The following CHD6 variants were observed in gnomAD, a reference collection of about 807,000 sequenced individuals.
The protein encoded by CHD6 is chromodomain helicase DNA binding protein 6.
Under a neutral mutation model 276.9 loss-of-function variants are expected in CHD6, and 50 were observed. The ratio of observed to expected loss-of-function variants is 0.18; its 90% CI spans 0.14 to 0.23. The LOEUF (loss-of-function observed/expected upper bound fraction) is 0.23. Ranked by LOEUF, CHD6 falls within the 10% of genes least tolerant of loss-of-function variation. The pLI, the probability that CHD6 is intolerant of heterozygous loss-of-function variation, is 1.00. For missense variants in CHD6, 2,564 were observed against 3,365.8 expected, an observed-to-expected ratio of 0.76 and a Z score of 5.89; for synonymous variants, 1,173 against 1,229.3, an observed-to-expected ratio of 0.95 and a Z score of 0.96.
chr20:41,578,584 G>A (rs1415858740), intron 1 of CHD6, among the ~76,000 whole-genome samples: 1 of 151,656 alleles, frequency 6.6e-6, no homozygotes, highest in Non-Finnish European at 1.5e-5. Context: ...GGAGGCTGAG[G>A]TGGGAAAATC....
Position 41,416,378 on chromosome 20 carries a change from C to T in CHD6, c.6486+210G>A, listed in dbSNP as rs572416713. On this transcript the variant is annotated intron_variant, in intron 33 of 36. Coordinates refer to ENST00000373233, the MANE Select transcript of CHD6 (RefSeq NM_032221.5). ...ACTCCAAGTGAGCTGCAAACCTCTG[C>T]TTTCATCATGCCTTCTCCTGCTCCA... 3.4e-4 allele frequency among the ~76,000 whole-genome samples: 52 copies of T among 152,328 alleles called. 1 individual carries two copies. Among genetic ancestry groups the T allele is most frequent in the African/African-American group, 1.2e-3 (51 of 41,578 alleles).
At chr20:41,539,863 G>A (rs920307220) in intron 2 of CHD6, among the ~76,000 whole-genome samples, 4 of 152,068 alleles carry the variant, frequency 2.6e-5, no homozygotes, top group East Asian at 1.9e-4. Context: ...ATAATACTAC[G>A]CAACCATTAT....
chr20:41,618,114 C>T lies in CHD6; in HGVS notation c.-24+226G>A, dbSNP rs556455423. Among the ~76,000 whole-genome samples the T allele has an allele frequency of 5.6e-3, 843 of 149,634 alleles. 8 individuals carry two copies. The highest frequency in any genetic ancestry group is 0.024 in the Middle Eastern group (7 of 292). On this transcript the variant is annotated intron_variant, in intron 1 of 36. Coordinates refer to ENST00000373233, the MANE Select transcript of CHD6 (RefSeq NM_032221.5). ...GTAGCCTGGCGTGGCAGAGGCCGCC[C>T]CTCTCCCCAGGCCGCAGGCCGCCGC... is the stretch of plus-strand genomic sequence containing the variant.
At chr20:41,494,025 T>A in intron 8 of CHD6, 81 bp from the exon 9 acceptor site, 1 of 960,492 alleles carries the variant, frequency 1.0e-6, no homozygotes, top group East Asian at 2.4e-5. Flanking sequence ...CTCTAAGTGA[T>A]CCCTACTCTA....
intron 2 of CHD6, among the ~76,000 whole-genome samples, chr20:41,534,977 T>G (rs2044794408): frequency 6.6e-6 from 1 of 152,206 alleles, no homozygotes; most frequent in Admixed American, 6.5e-5. Flanking sequence ...TCTTGAATTC[T>G]GTGCCAAGGA....
At chr20:41,574,121 A>C (rs2045447372) in intron 1 of CHD6, among the ~76,000 whole-genome samples, 1 of 147,602 alleles carries the variant, frequency 6.8e-6, no homozygotes, top group South Asian at 2.3e-4. Context: ...TGAAAAGGGA[A>C]AGAGGAAGAG....
chr20:41,405,098 G>T lies in CHD6; in HGVS notation c.7643C>A (p.Ser2548Tyr), dbSNP rs2046632913. The T allele has an allele frequency of 1.9e-6, 3 of 1,614,130 alleles. No individual in the cohort carries two copies. The highest frequency in any genetic ancestry group is 1.7e-5 in the Admixed American group (1 of 60,016). Residue 2548 changes from serine to tyrosine, a missense_variant, in exon 37 of 37, where the codon TCC becomes TAC. Transcript: ENST00000373233. Reference sequence around the variant, plus strand: ...GCTTGATAGAGACGCCGGAGCAGTGGAAGTGCAGGTGGTTGCCATGGGTGG... The same window carrying T: ...GCTTGATAGAGACGCCGGAGCAGTGTAAGTGCAGGTGGTTGCCATGGGTGG... ...LSPPMATTCT[S>Y]TAPASLSSTT...
Position 41,409,988 on chromosome 20 carries a change from TG to T in CHD6, c.7251+2155del, listed in dbSNP as rs141373481. Among the ~76,000 whole-genome samples, 1,282 of 152,274 alleles carry T rather than the reference TG, an allele frequency of 8.4e-3. 17 individuals are homozygous for T. Among genetic ancestry groups the T allele is most frequent in the African/African-American group, 0.027 (1,129 of 41,544 alleles). On this transcript the variant is annotated intron_variant, in intron 36 of 36. Coordinates refer to ENST00000373233, the MANE Select transcript of CHD6 (RefSeq NM_032221.5). Reference sequence around the variant, plus strand: ...CCACTAGGTAGTGGGCATTAAAAATTGAATCCCACAACCTTCCATGCAGCCC... The same window carrying T: ...CCACTAGGTAGTGGGCATTAAAAATTAATCCCACAACCTTCCATGCAGCCC...
intron 27 of CHD6, among the ~76,000 whole-genome samples, chr20:41,435,078 A>C (rs2047663964): frequency 6.6e-6 from 1 of 152,218 alleles, no homozygotes; most frequent in Admixed American, 6.5e-5. Flanking sequence ...GTAATGGGGA[A>C]ATCTCCAAAC....
At chr20:41,597,797 G>A (rs767200429) in intron 1 of CHD6, among the ~76,000 whole-genome samples, 9 of 151,690 alleles carry the variant, frequency 5.9e-5, no homozygotes, top group East Asian at 1.9e-4. Flanking sequence ...CAGAGTCACC[G>A]CAAATCATTA....
intron 27 of CHD6, among the ~76,000 whole-genome samples, chr20:41,427,721 G>A (rs1048688936): frequency 2.0e-5 from 3 of 152,200 alleles, no homozygotes. Context: ...GTTATCTAAT[G>A]TTAATGAAGA....
chr20:41,478,652 T>C (rs1373034847), intron 16 of CHD6, among the ~76,000 whole-genome samples: 1 of 152,188 alleles, frequency 6.6e-6, no homozygotes, highest in African/African-American at 2.4e-5. Context: ...AGTTTCTGGC[T>C]GACTTCTGAC....
rs545986521 is a variant in CHD6, at chr20:41,563,639, G to A, written c.-23-12279C>T. On this transcript the variant is annotated intron_variant, in intron 1 of 36. Transcript: ENST00000373233. ...CTAATCTGCTCATAAAAATCAATTAGCTTGATAATAATTACTATTAAGAAG... is the reference window on the plus strand; with the variant it reads ...CTAATCTGCTCATAAAAATCAATTAACTTGATAATAATTACTATTAAGAAG... Among the ~76,000 whole-genome samples, 125 of 152,272 alleles carry A rather than the reference G, an allele frequency of 8.2e-4. 1 individual carries two copies. The South Asian group carries it at 0.025, about 30-fold the overall frequency.
chr20:41,617,922 C>G (rs1452168600), intron 1 of CHD6, among the ~76,000 whole-genome samples: 2 of 147,356 alleles, frequency 1.4e-5, no homozygotes, highest in African/African-American at 4.9e-5. Context: ...CGCGGCTGGG[C>G]CCGGGGGTCC....
At position 41,438,238 on chromosome 20, in the gene CHD6, T is replaced by C. The variant is rs528738920; in HGVS notation, c.4008-904A>G. 6.6e-5 allele frequency among the ~76,000 whole-genome samples: 10 copies of C among 152,300 alleles called. No homozygotes were observed. The East Asian group carries it at 1.9e-3, about 29-fold the overall frequency. ...ATGCTAGCTCAGCTGCCTAATGTCTTCTCTTTTGTGAGCTTAACTACTGCT... is the reference window on the plus strand; with the variant it reads ...ATGCTAGCTCAGCTGCCTAATGTCTCCTCTTTTGTGAGCTTAACTACTGCT... On this transcript the variant is annotated intron_variant, in intron 26 of 36. Coordinates refer to ENST00000373233, the MANE Select transcript of CHD6 (RefSeq NM_032221.5).
intron 27 of CHD6, among the ~76,000 whole-genome samples, chr20:41,429,087 A>G (rs572538244): frequency 2.6e-5 from 4 of 152,266 alleles, no homozygotes; most frequent in Non-Finnish European, 5.9e-5. Flanking sequence ...TGGTTTAGAG[A>G]GCACCTGAGA....
rs569835433 is a variant in CHD6, at chr20:41,528,618, A to AT, written c.554+4431dup. Among the ~76,000 whole-genome samples, 109 of 152,352 alleles carry AT rather than the reference A, an allele frequency of 7.2e-4. 1 individual carries two copies. Among genetic ancestry groups the AT allele is most frequent in the South Asian group, 2.9e-3 (14 of 4,814 alleles). ...AGAATTAAGCCAGGTTTGGTGATAT[A>AT]TATCTGTAATCCCAGCTATTGGGGA... On this transcript the variant is annotated intron_variant, in intron 3 of 36. Transcript: ENST00000373233.
intron 1 of CHD6, among the ~76,000 whole-genome samples, chr20:41,559,586 A>G (rs2045279887): frequency 6.6e-6 from 1 of 152,142 alleles, no homozygotes. Flanking sequence ...TTCTAGGCTT[A>G]GCTTCCTCCC....
rs1449780421 is a variant in CHD6 at position 41,421,142 on chromosome 20, G to A, written c.5493C>T (p.Val1831=). Residue 1831 remains valine, a synonymous_variant, in exon 31 of 37, where the codon GTC becomes GTT. Transcript: ENST00000373233. ...SGFVDMCSLS[V]CDSKRNLSSD... Reference sequence around the variant, plus strand: ...ATGACAGGTTTCTTTTGGAGTCACAGACACTAAGACTGCACATATCTACAA... The same window carrying A: ...ATGACAGGTTTCTTTTGGAGTCACAAACACTAAGACTGCACATATCTACAA... 1 of 1,613,826 alleles carries A rather than the reference G, an allele frequency of 6.2e-7. No individual in the cohort carries two copies. The highest frequency in any genetic ancestry group is 1.3e-5 in the African/African-American group (1 of 74,890).
Sources: allele counts gnomAD v4.1 joint callset (sites outside exome capture counted in the v4.1 genomes callset), GRCh38; gene constraint gnomAD v4.1.1; transcripts MANE v1.5; gene names NCBI Gene and HGNC (gene_info 2026-07-23, HGNC 2026-07-21).